DGKZ: variants seen among roughly 807,000 people sequenced by gnomAD.
The protein encoded by DGKZ is diacylglycerol kinase zeta.
In DGKZ, 45 loss-of-function variants were observed where a neutral mutation model predicts 142.5. The observed-to-expected ratio is 0.32, with a 90% CI of 0.25 to 0.40. DGKZ has a LOEUF of 0.40. Ranked by LOEUF, DGKZ falls within the 10% of genes least tolerant of loss-of-function variation. The probability of loss-of-function intolerance (pLI) is 1.00; values close to 1 mark genes in which losing one functional copy is unlikely to be tolerated. For missense variants in DGKZ, 755 were observed against 1,306.5 expected, an observed-to-expected ratio of 0.58 and a Z score of 6.51; for synonymous variants, 442 against 527.0, an observed-to-expected ratio of 0.84 and a Z score of 2.21.
At chr11:46,366,712 G>C in intron 1 of DGKZ, 2 of 1,559,216 alleles carry the variant, frequency 1.3e-6, no homozygotes, top group Non-Finnish European at 1.7e-6. Flanking sequence ...CCCAGCCGCT[G>C]TTGCCCCTAC....
At chr11:46,377,496 C>T in intron 25 of DGKZ, 1 of 478,998 alleles carries the variant, frequency 2.1e-6, no homozygotes. Context: ...CCCACCCCTA[C>T]TGCCACCAGC....
chr11:46,354,091 G>C (rs1322674285), intron 1 of DGKZ, among the ~76,000 whole-genome samples: 3 of 152,224 alleles, frequency 2.0e-5, no homozygotes, highest in African/African-American at 7.2e-5. Flanking sequence ...CCTTGGGGGA[G>C]ACCTTCCTTC....
intron 1 of DGKZ, among the ~76,000 whole-genome samples, chr11:46,340,151 C>T (rs1418120292): frequency 6.6e-6 from 1 of 152,242 alleles, no homozygotes; most frequent in Non-Finnish European, 1.5e-5. Context: ...CTGTTTCTCT[C>T]CAAAGCCCTT....
rs780593188 is a variant in DGKZ, at chr11:46,370,048, G to A, written c.570+39G>A. The A allele has an allele frequency of 1.2e-5, 20 of 1,611,936 alleles. No individual in the cohort carries two copies. In the South Asian group the frequency reaches 1.8e-4, roughly 14 times the overall value. On this transcript the variant is annotated intron_variant, in intron 6 of 30. Coordinates refer to ENST00000527911, the Ensembl canonical transcript of DGKZ. The stretch of plus-strand genomic sequence containing the variant: ...CCCGAGGACATCGCCACCTGCACCT[G>A]CGGTCCTGAGCCCAGGCCATGTGGC...
exon 28 of DGKZ, chr11:46,379,071 C>T: frequency 2.5e-6 from 4 of 1,602,076 alleles, no homozygotes; most frequent in Non-Finnish European, 3.4e-6. Flanking sequence ...ACGCAGTCAG[C>T]ACTGGCAGCA....
At chr11:46,375,193 C>T (rs1944402777) in intron 19 of DGKZ, 148 bp downstream of exon 19, 1 of 853,866 alleles carries the variant, frequency 1.2e-6, no homozygotes, top group African/African-American at 1.7e-5. Flanking sequence ...CGGCACCTAC[C>T]CCCTCTCCTC....
chr11:46,346,501 C>T (rs1940630554), upstream of DGKZ, among the ~76,000 whole-genome samples: 1 of 152,122 alleles, frequency 6.6e-6, no homozygotes, highest in Admixed American at 6.5e-5. Context: ...GGGACGGCCT[C>T]GGCTGCATTG....
chr11:46,337,784 C>CA (rs775020013), intron 1 of DGKZ, among the ~76,000 whole-genome samples: 8,955 of 144,260 alleles, frequency 0.062, 822 homozygotes, highest in African/African-American at 0.21. Context: ...AACAAACAAA[C>CA]AAAAAAAAAA....
intron 1 of DGKZ, chr11:46,364,449 C>T (rs1355459433): frequency 7.8e-7 from 1 of 1,279,488 alleles, no homozygotes; most frequent in Non-Finnish European, 1.0e-6. Context: ...CCTGCCCCTG[C>T]AGCTCCCTCC....
chr11:46,346,087 T>C (rs1405586205), upstream of DGKZ, among the ~76,000 whole-genome samples: 1 of 152,164 alleles, frequency 6.6e-6, no homozygotes, highest in Non-Finnish European at 1.5e-5. Flanking sequence ...CCCACCTCCC[T>C]GATCAGACCT....
In DGKZ at chr11:46,353,017, G is replaced by A. The variant is rs79376309; in HGVS notation, c.161+5197G>A. Reference sequence around the variant, plus strand: ...GTGGTTAGGTCGGGAAAGCAGGTTCGAGTGAGACCAAGGGCTCTGTGGCCG... The same window carrying A: ...GTGGTTAGGTCGGGAAAGCAGGTTCAAGTGAGACCAAGGGCTCTGTGGCCG... On this transcript the variant is annotated intron_variant, in intron 1 of 30. Coordinates refer to ENST00000527911, the Ensembl canonical transcript of DGKZ. Among the ~76,000 whole-genome samples the A allele has an allele frequency of 6.6e-5, 10 of 152,348 alleles. 1 individual carries two copies. The highest frequency in any genetic ancestry group is 4.1e-4 in the South Asian group (2 of 4,830).
intron 4 of DGKZ, chr11:46,369,189 A>C (rs1590571697): frequency 8.2e-6 from 2 of 244,262 alleles, no homozygotes; most frequent in Non-Finnish European, 7.3e-6. Context: ...AAACAAAAAC[A>C]AAAAAAAAAC....
At position 46,375,967 on chromosome 11, in the gene DGKZ, C is replaced by T. The variant is rs750722623; in HGVS notation, c.2011+16C>T. 9.9e-6 allele frequency: 16 copies of T among 1,610,760 alleles called. No individual in the cohort carries two copies. Among genetic ancestry groups the T allele is most frequent in the African/African-American group, 2.7e-5 (2 of 74,886 alleles). On this transcript the variant is annotated intron_variant, in intron 21 of 30. Transcript: ENST00000527911. ...AAGGAGGCCTGTGAGTGCGGTGGGG[C>T]GGCCTGGCAGGGTGGCCAGGAGGGG...
In DGKZ at chr11:46,370,946, G is replaced by A. The variant is rs775960561; in HGVS notation, c.571-367G>A. Among the ~76,000 whole-genome samples the A allele has an allele frequency of 1.1e-4, 17 of 152,234 alleles. No individual in the cohort carries two copies. In the South Asian group the frequency reaches 1.5e-3, roughly 13 times the overall value. On this transcript the variant is annotated intron_variant, in intron 6 of 30. Coordinates refer to ENST00000527911, the Ensembl canonical transcript of DGKZ. ...TGAAAATACAAAAAATTAGCTGGGC[G>A]TAGTGGTGGGCGCCTGTAATCCCGG... is the stretch of plus-strand genomic sequence containing the variant.
At chr11:46,349,145 C>G (rs748342833) in intron 1 of DGKZ, among the ~76,000 whole-genome samples, 1 of 152,246 alleles carries the variant, frequency 6.6e-6, no homozygotes, top group African/African-American at 2.4e-5. Flanking sequence ...AGCACATGCA[C>G]AGATCTGAAT....
rs772488326 is a variant in DGKZ, at chr11:46,372,410, G to A, written c.928-18G>A. 1.2e-6 allele frequency: 2 copies of A among 1,613,522 alleles called. No homozygotes were observed. The highest frequency in any genetic ancestry group is 1.3e-5 in the African/African-American group (1 of 74,868). On this transcript the variant is annotated intron_variant, in intron 10 of 30. Coordinates refer to ENST00000527911, the Ensembl canonical transcript of DGKZ. The surrounding 1 kb of genome is among the most constrained non-coding windows in gnomAD (Gnocchi z 5.9). Reference sequence around the variant, plus strand: ...CCCACCACTGCCTGACTGTCTCTTGGCTCCCCATCCCATCCAGGGTGCAAA... The same window carrying A: ...CCCACCACTGCCTGACTGTCTCTTGACTCCCCATCCCATCCAGGGTGCAAA...
At chr11:46,338,311 C>T (rs905898516) in intron 1 of DGKZ, among the ~76,000 whole-genome samples, 16 of 151,822 alleles carry the variant, frequency 1.1e-4, no homozygotes, top group Non-Finnish European at 2.4e-4. Flanking sequence ...GCCTGGCCAA[C>T]GTGGTTAAAT....
intron 1 of DGKZ, among the ~76,000 whole-genome samples, chr11:46,354,802 A>G (rs547854000): frequency 4.6e-5 from 7 of 152,358 alleles, no homozygotes; most frequent in South Asian, 4.1e-4. Flanking sequence ...ATGGTATACC[A>G]GGCATATTCT....
chr11:46,369,742 T>G (rs897652739), intron 5 of DGKZ, 192 bp downstream of exon 5: 2 of 898,948 alleles, frequency 2.2e-6, no homozygotes, highest in Non-Finnish European at 3.5e-6. Context: ...TTGTGCCTCC[T>G]GGTGCTTCCC....
Sources: allele counts gnomAD v4.1 joint callset (sites outside exome capture counted in the v4.1 genomes callset), GRCh38; gene constraint gnomAD v4.1.1; non-coding constraint Gnocchi (gnomAD v3.1); transcripts MANE v1.5; gene names NCBI Gene and HGNC (gene_info 2026-07-23, HGNC 2026-07-21).